The following TENM2 variants were observed in gnomAD, a reference collection of about 807,000 sequenced individuals.
The protein encoded by TENM2 is teneurin-2.
TENM2 carries 52 observed loss-of-function variants against 245.2 expected under a neutral mutation model. The observed-to-expected ratio is 0.21, with a 90% CI of 0.17 to 0.27. The LOEUF (loss-of-function observed/expected upper bound fraction) is 0.27. Among genes scored for constraint, TENM2 ranks in the 10% least tolerant of loss-of-function variants. TENM2 has a pLI of 1.00. For missense variants in TENM2, 3,046 were observed against 3,666.8 expected (o/e 0.83, Z 4.37); for synonymous variants, 1,363 against 1,438.9 (o/e 0.95, Z 1.19).
intron 2 of TENM2, among the ~76,000 whole-genome samples, chr5:167,381,582 G>T (rs1295111024): frequency 1.3e-5 from 2 of 152,102 alleles, no homozygotes; most frequent in Non-Finnish European, 2.9e-5. Context: ...CAGTCACACT[G>T]GTTCAGGTTT....
chr5:167,783,504 C>T lies in TENM2; in HGVS notation c.503-92482C>T, dbSNP rs1462698942. ...CCTCTACAGCACCAGTTGCAATCCC[C>T]AGGAAACTCGTTAATGCAGTTAGAT... On this transcript the variant is annotated intron_variant, in intron 2 of 28. Coordinates refer to ENST00000518659, the Ensembl canonical transcript of TENM2. 3.9e-5 allele frequency among the ~76,000 whole-genome samples: 6 copies of T among 152,152 alleles called. No homozygotes were observed. In the East Asian group the frequency reaches 1.2e-3, roughly 29 times the overall value.
At chr5:167,385,174 GTTGGCTAGAACTA>G (rs1304991832) in intron 2 of TENM2, among the ~76,000 whole-genome samples, 4 of 152,114 alleles carry the variant, frequency 2.6e-5, no homozygotes, top group Admixed American at 6.5e-5. Context: ...GTAGGTGAAC[GTTGGCTAGAACTA>G]TTCCAGGTTG....
chr5:167,290,326 A>G (rs1349351437), intron 1 of TENM2, among the ~76,000 whole-genome samples: 1 of 152,182 alleles, frequency 6.6e-6, no homozygotes, highest in Non-Finnish European at 1.5e-5. Flanking sequence ...CATTTTCTCC[A>G]TTTGTAAAAG....
the TENM2 span, among the ~76,000 whole-genome samples, chr5:167,114,863 A>G: frequency 6.6e-6 from 1 of 152,212 alleles, no homozygotes; most frequent in East Asian, 1.9e-4. Flanking sequence ...GTGGAGTGAC[A>G]TTTGAATTTG....
At chr5:168,259,315 C>A (rs375457437) in intron 27 of TENM2, among the ~76,000 whole-genome samples, 2 of 151,824 alleles carry the variant, frequency 1.3e-5, no homozygotes, top group East Asian at 3.9e-4. Context: ...GGGCCGGGCA[C>A]GGTGGCTCAT....
At chr5:167,396,671 C>T (rs970683017) in intron 2 of TENM2, among the ~76,000 whole-genome samples, 12 of 152,128 alleles carry the variant, frequency 7.9e-5, no homozygotes, top group African/African-American at 2.9e-4. Context: ...GGAGGAAAAA[C>T]TGCCACCACC....
chr5:167,424,808 C>T (rs1183229527), intron 2 of TENM2, among the ~76,000 whole-genome samples: 1 of 152,016 alleles, frequency 6.6e-6, no homozygotes, highest in Non-Finnish European at 1.5e-5. Flanking sequence ...ATTACTTATT[C>T]CAAAATCATT....
intron 2 of TENM2, among the ~76,000 whole-genome samples, chr5:167,459,148 A>G (rs956745310): frequency 1.3e-5 from 2 of 151,966 alleles, no homozygotes; most frequent in African/African-American, 4.8e-5. Flanking sequence ...TAACTGCCCT[A>G]TTTCCCCCTT....
intron 2 of TENM2, among the ~76,000 whole-genome samples, chr5:167,817,794 G>A (rs1323382362): frequency 6.6e-6 from 1 of 152,192 alleles, no homozygotes; most frequent in Non-Finnish European, 1.5e-5. Context: ...TCAGCCTTGT[G>A]GGGGAATGGT....
At chr5:167,079,913 T>A in the TENM2 span, among the ~76,000 whole-genome samples, 5 of 152,200 alleles carry the variant, frequency 3.3e-5, no homozygotes, top group Non-Finnish European at 7.3e-5. Flanking sequence ...ACCAGTATCA[T>A]CTGTAAACTA....
At chr5:167,222,593 A>C in the TENM2 span, among the ~76,000 whole-genome samples, 7 of 145,732 alleles carry the variant, frequency 4.8e-5, no homozygotes, top group South Asian at 1.5e-3. Context: ...CAGTGTCTGG[A>C]AAAATGAATC....
chr5:168,195,410 C>A, intron 15 of TENM2, 115 bp downstream of exon 17: 1 of 1,223,500 alleles, frequency 8.2e-7, no homozygotes, highest in Non-Finnish European at 1.1e-6. Context: ...GAATGTCCAC[C>A]AGGCCTGTCC....
At chr5:167,300,452 G>A (rs188473123) in intron 1 of TENM2, among the ~76,000 whole-genome samples, 9 of 152,278 alleles carry the variant, frequency 5.9e-5, no homozygotes, top group African/African-American at 2.2e-4. Context: ...ACCATGGGGT[G>A]GATAGGCAAA....
chr5:167,805,049 G>C (rs929940486), intron 2 of TENM2, among the ~76,000 whole-genome samples: 1 of 152,116 alleles, frequency 6.6e-6, no homozygotes, highest in South Asian at 2.1e-4. Flanking sequence ...AGTTCACCAG[G>C]CATCTGTGGT....
At chr5:167,932,452 A>G (rs2151712916) in intron 3 of TENM2, among the ~76,000 whole-genome samples, 1 of 152,258 alleles carries the variant, frequency 6.6e-6, no homozygotes, top group East Asian at 1.9e-4. Flanking sequence ...GATGAAATAA[A>G]CAGGCATAAT....
intron 2 of TENM2, among the ~76,000 whole-genome samples, chr5:167,620,582 G>T: frequency 1.7e-5 from 2 of 114,288 alleles, no homozygotes; most frequent in South Asian, 3.1e-4. Flanking sequence ...CAAGAACTGA[G>T]CTCAAAATGT....
At chr5:167,595,022 C>A (rs1776108324) in intron 2 of TENM2, among the ~76,000 whole-genome samples, 1 of 152,124 alleles carries the variant, frequency 6.6e-6, no homozygotes, top group Non-Finnish European at 1.5e-5. Context: ...TTGAAACTGC[C>A]AGGACTGATC....
chr5:167,055,668 CT>C, the TENM2 span, among the ~76,000 whole-genome samples: 2 of 151,970 alleles, frequency 1.3e-5, no homozygotes, highest in Non-Finnish European at 2.9e-5. Flanking sequence ...TTTGTCAGTG[CT>C]AATGTAAATG....
At chr5:167,959,159 C>G (rs1780792838) in intron 4 of TENM2, among the ~76,000 whole-genome samples, 1 of 149,810 alleles carries the variant, frequency 6.7e-6, no homozygotes, top group African/African-American at 2.5e-5. Context: ...TCCCATATTT[C>G]TTGGAGGCTT....
Sources: gnomAD v4.1 joint callset for allele counts (sites outside exome capture counted in the v4.1 genomes callset) on GRCh38, gnomAD v4.1.1 for gene constraint, MANE v1.5 for transcripts, NCBI Gene and HGNC (gene_info 2026-07-23, HGNC 2026-07-21) for gene names.